SLC25A21: variants seen among roughly 807,000 people sequenced by gnomAD.
The protein encoded by SLC25A21 is solute carrier family 25 member 21, also known as mitochondrial 2-oxodicarboxylate carrier.
In SLC25A21, 47 loss-of-function variants were observed where a neutral mutation model predicts 43.8. That is an observed-to-expected ratio of 1.07 (90% CI 0.85 to 1.37). The LOEUF is 1.37. Among genes scored for constraint, SLC25A21 ranks in the 40% most tolerant of loss-of-function variants. The pLI, the probability that SLC25A21 is intolerant of heterozygous loss-of-function variation, is 0.00. For synonymous variants in SLC25A21, 131 were observed against 121.3 expected (o/e 1.08, Z -0.52); for missense variants, 352 against 350.2 (o/e 1.00, Z -0.04).
At chr14:37,024,087 A>G (rs1420488236) in intron 1 of SLC25A21, among the ~76,000 whole-genome samples, 1 of 152,118 alleles carries the variant, frequency 6.6e-6, no homozygotes, top group African/African-American at 2.4e-5. Flanking sequence ...TAACCAGATC[A>G]CTGAGGGAAA....
rs541247225 is a variant in SLC25A21, at chr14:36,968,564, T to C, written c.71-93560A>G. Among the ~76,000 whole-genome samples the C allele has an allele frequency of 5.9e-5, 9 of 152,298 alleles. No individual in the cohort carries two copies. In the South Asian group the frequency reaches 1.0e-3, roughly 18 times the overall value. Reference sequence around the variant, plus strand: ...AGGAACGTAACCTACTACTTCTTAATAGGCTTCTGCACAGAGAGTGGCTTT... The same window carrying C: ...AGGAACGTAACCTACTACTTCTTAACAGGCTTCTGCACAGAGAGTGGCTTT... On this transcript the variant is annotated intron_variant, in intron 1 of 9. Transcript: ENST00000331299.
intron 1 of SLC25A21, among the ~76,000 whole-genome samples, chr14:37,048,070 C>T (rs10136870): frequency 6.6e-6 from 1 of 151,898 alleles, no homozygotes; most frequent in Non-Finnish European, 1.5e-5. Context: ...ATTGTTCAAA[C>T]GCTCCTTTCC....
intron 3 of SLC25A21, chr14:36,759,540 C>T (rs1458458331): frequency 6.6e-6 from 1 of 152,204 alleles, no homozygotes; most frequent in Non-Finnish European, 1.5e-5. Context: ...GTGAGCTCTC[C>T]TTGGCCGAGA....
chr14:37,004,472 T>C (rs958275319), intron 1 of SLC25A21, among the ~76,000 whole-genome samples: 2 of 152,200 alleles, frequency 1.3e-5, no homozygotes, highest in South Asian at 2.1e-4. Flanking sequence ...GCCAAGGTTA[T>C]GTGTTAAGTC....
chr14:37,020,442 G>T (rs1960959844), intron 1 of SLC25A21, among the ~76,000 whole-genome samples: 1 of 147,800 alleles, frequency 6.8e-6, no homozygotes, highest in African/African-American at 2.6e-5. Flanking sequence ...ATATGAAAAA[G>T]TCACTTTTTT....
At position 36,684,755 on chromosome 14, in the gene SLC25A21, A is replaced by T; in HGVS notation, c.774T>A (p.Tyr258Ter). Residue 258 changes from tyrosine (Y) to a stop codon, truncating the protein, a stop_gained, in exon 8 of 10, where the codon TAT becomes TAA. Transcript: ENST00000331299. LOFTEE classifies it high-confidence loss of function. ...RTCFKTMATV[Y>*]QEEGILALYK... ...ATGTGTTATGTTACCCTTCTTCCTGATAGACTGTTGCCATTGTTTTAAAAC... is the reference window on the plus strand; with the variant it reads ...ATGTGTTATGTTACCCTTCTTCCTGTTAGACTGTTGCCATTGTTTTAAAAC... The T allele has an allele frequency of 6.2e-7, 1 of 1,606,848 alleles. No individual in the cohort carries two copies. Among genetic ancestry groups the T allele is most frequent in the Non-Finnish European group, 8.5e-7 (1 of 1,177,288 alleles).
At chr14:36,730,197 G>T (rs568772294) in intron 4 of SLC25A21, among the ~76,000 whole-genome samples, 1 of 152,310 alleles carries the variant, frequency 6.6e-6, no homozygotes, top group South Asian at 2.1e-4. Context: ...GATGAAGATC[G>T]TGAAGGTATT....
At chr14:36,829,103 G>A (rs1321309592) in intron 2 of SLC25A21, among the ~76,000 whole-genome samples, 1 of 151,912 alleles carries the variant, frequency 6.6e-6, no homozygotes, top group African/African-American at 2.4e-5. Flanking sequence ...TTACCATGTT[G>A]GCCAGGCTGG....
intron 1 of SLC25A21, among the ~76,000 whole-genome samples, chr14:37,080,094 C>A (rs1469700147): frequency 6.6e-6 from 1 of 152,068 alleles, no homozygotes; most frequent in Admixed American, 6.5e-5. Context: ...CTGAGAAGTA[C>A]CTTTCTATTG....
At chr14:36,913,106 T>C (rs373444308) in intron 1 of SLC25A21, among the ~76,000 whole-genome samples, 92 of 63,690 alleles carry the variant, frequency 1.4e-3, no homozygotes, top group African/African-American at 0.01. Context: ...CTTTTTTCTT[T>C]TCATTTCAAA....
At chr14:36,848,320 A>G (rs528642648) in intron 2 of SLC25A21, among the ~76,000 whole-genome samples, 6 of 152,360 alleles carry the variant, frequency 3.9e-5, no homozygotes, top group Admixed American at 3.3e-4. Context: ...CGTTATGTAT[A>G]TTCTCCATAC....
At chr14:36,941,363 T>C (rs192021437) in intron 1 of SLC25A21, among the ~76,000 whole-genome samples, 324 of 152,258 alleles carry the variant, frequency 2.1e-3, no homozygotes, top group Non-Finnish European at 3.5e-3. Flanking sequence ...GTATTTTGAC[T>C]TACACATTGA....
At chr14:36,835,282 C>T (rs1396322710) in intron 2 of SLC25A21, among the ~76,000 whole-genome samples, 4 of 152,200 alleles carry the variant, frequency 2.6e-5, no homozygotes, top group African/African-American at 7.2e-5. Flanking sequence ...GGGTACACTT[C>T]CCTTTCTAAC....
intron 2 of SLC25A21, among the ~76,000 whole-genome samples, chr14:36,860,375 C>T (rs1890032483): frequency 6.6e-6 from 1 of 152,192 alleles, no homozygotes; most frequent in South Asian, 2.1e-4. Flanking sequence ...GAAGAAGCCT[C>T]CAAGACCATG....
At chr14:36,833,255 AG>A (rs1330819489) in intron 2 of SLC25A21, among the ~76,000 whole-genome samples, 1 of 152,260 alleles carries the variant, frequency 6.6e-6, no homozygotes, top group African/African-American at 2.4e-5. Context: ...GATGGACGAT[AG>A]AATAGATGGG....
At chr14:36,693,810 T>A (rs960069970) in intron 7 of SLC25A21, among the ~76,000 whole-genome samples, 21 of 151,882 alleles carry the variant, frequency 1.4e-4, no homozygotes, top group East Asian at 7.7e-4. Context: ...TTTTTTAATT[T>A]AAAAAAAATG....
At chr14:36,847,637 G>T (rs933541438) in intron 2 of SLC25A21, among the ~76,000 whole-genome samples, 3 of 152,170 alleles carry the variant, frequency 2.0e-5, no homozygotes, top group African/African-American at 7.2e-5. Context: ...AGGACCCTCT[G>T]GGAGGTGGAT....
At chr14:37,114,699 C>T (rs192266454) in intron 1 of SLC25A21, among the ~76,000 whole-genome samples, 303 of 152,134 alleles carry the variant, frequency 2.0e-3, no homozygotes, top group Non-Finnish European at 3.6e-3. Context: ...ATGTGTGATC[C>T]TTACAGAAAA....
chr14:37,134,317 A>G (rs1221817874), intron 1 of SLC25A21, among the ~76,000 whole-genome samples: 1 of 152,222 alleles, frequency 6.6e-6, no homozygotes, highest in Non-Finnish European at 1.5e-5. Context: ...TGTAGAAACT[A>G]TGTGAAAATT....
Sources: gnomAD v4.1 joint callset for allele counts (sites outside exome capture counted in the v4.1 genomes callset) on GRCh38, gnomAD v4.1.1 for gene constraint, MANE v1.5 for transcripts, NCBI Gene and HGNC (gene_info 2026-07-23, HGNC 2026-07-21) for gene names.